IMMP2L: variants seen among roughly 807,000 people sequenced by gnomAD.
The protein encoded by IMMP2L is inner mitochondrial membrane peptidase subunit 2, also known as mitochondrial inner membrane protease subunit 2.
A neutral mutation model predicts 19.3 loss-of-function variants in IMMP2L; 18 were observed. The ratio of observed to expected loss-of-function variants is 0.93; its 90% CI spans 0.64 to 1.38. The LOEUF (loss-of-function observed/expected upper bound fraction) is 1.38. Ranked by LOEUF, IMMP2L falls within the 40% of genes most tolerant of loss-of-function variation. The pLI, the probability that IMMP2L is intolerant of heterozygous loss-of-function variation, is 0.00. For missense variants in IMMP2L, 233 were observed against 218.2 expected, an observed-to-expected ratio of 1.07 and a Z score of -0.43; for synonymous variants, 76 against 73.0, an observed-to-expected ratio of 1.04 and a Z score of -0.21.
rs373072983 is a variant in IMMP2L, at chr7:111,115,814, T to A, written c.240-152249A>T. 1.4e-4 allele frequency among the ~76,000 whole-genome samples: 22 copies of A among 152,056 alleles called. 2 individuals are homozygous for A. The East Asian group carries it at 1.9e-3, about 13-fold the overall frequency. On this transcript the variant is annotated intron_variant, in intron 3 of 5. Coordinates refer to ENST00000405709, the MANE Select transcript of IMMP2L (RefSeq NM_032549.4). ...TCCCGAGTAGCTGGGACTAGAGATG[T>A]GCACCACCAACTCTAGCACACCTGG...
intron 3 of IMMP2L, among the ~76,000 whole-genome samples, chr7:111,099,678 A>AT (rs1440584742): frequency 6.6e-6 from 1 of 151,646 alleles, no homozygotes; most frequent in Non-Finnish European, 1.5e-5. Flanking sequence ...ATCAACATAC[A>AT]TTTTCTATTC....
At chr7:111,308,812 G>T (rs1584551668) in intron 3 of IMMP2L, among the ~76,000 whole-genome samples, 2 of 151,974 alleles carry the variant, frequency 1.3e-5, no homozygotes, top group South Asian at 4.1e-4. Flanking sequence ...TTTGCAAACT[G>T]CCTTCAATTT....
intron 3 of IMMP2L, among the ~76,000 whole-genome samples, chr7:111,297,114 ACAGGAAAGT>A (rs2129864096): frequency 6.6e-6 from 1 of 152,166 alleles, no homozygotes; most frequent in East Asian, 1.9e-4. Flanking sequence ...CTTTGGGATA[ACAGGAAAGT>A]TCTGCATCTT....
chr7:111,043,574 T>C (rs1281941653), intron 3 of IMMP2L, among the ~76,000 whole-genome samples: 1 of 152,218 alleles, frequency 6.6e-6, no homozygotes, highest in Non-Finnish European at 1.5e-5. Flanking sequence ...CTTCTAAATA[T>C]TATGGGTTAA....
intron 5 of IMMP2L, among the ~76,000 whole-genome samples, chr7:110,675,195 T>C (rs1188650933): frequency 2.0e-5 from 3 of 152,204 alleles, no homozygotes; most frequent in Admixed American, 6.5e-5. Context: ...GTGGTGAGTA[T>C]AAGGCTAGTG....
intron 3 of IMMP2L, among the ~76,000 whole-genome samples, chr7:111,016,293 T>C (rs1825518122): frequency 6.7e-6 from 1 of 148,558 alleles, no homozygotes; most frequent in Non-Finnish European, 1.5e-5. Context: ...TTGAATATTG[T>C]CTTCCTTCCC....
At chr7:110,935,299 T>G (rs1374902833) in intron 4 of IMMP2L, among the ~76,000 whole-genome samples, 1 of 152,190 alleles carries the variant, frequency 6.6e-6, no homozygotes, top group Non-Finnish European at 1.5e-5. Context: ...GAAAATTCTT[T>G]TCTTTAAGAA....
chr7:111,223,348 T>C (rs928548454), intron 3 of IMMP2L, among the ~76,000 whole-genome samples: 10 of 152,022 alleles, frequency 6.6e-5, no homozygotes, highest in African/African-American at 1.9e-4. Context: ...ATATATGTTA[T>C]TATTCTCTAT....
At chr7:111,077,885 T>C (rs1307586502) in intron 3 of IMMP2L, among the ~76,000 whole-genome samples, 1 of 152,214 alleles carries the variant, frequency 6.6e-6, no homozygotes, top group African/African-American at 2.4e-5. Flanking sequence ...AGGACCTTTG[T>C]GCACACTGTT....
chr7:111,052,716 T>A (rs1278834414), intron 3 of IMMP2L, among the ~76,000 whole-genome samples: 3 of 152,184 alleles, frequency 2.0e-5, no homozygotes, highest in African/African-American at 7.2e-5. Context: ...AGAATAAACA[T>A]CTTCAAATGT....
chr7:110,942,446 T>C (rs1563098839), intron 4 of IMMP2L, among the ~76,000 whole-genome samples: 1 of 151,938 alleles, frequency 6.6e-6, no homozygotes, highest in Non-Finnish European at 1.5e-5. Context: ...CAGTCCCCTT[T>C]CCTAAAAACC....
chr7:111,404,756 C>T (rs1218599495), intron 3 of IMMP2L, among the ~76,000 whole-genome samples: 1 of 151,914 alleles, frequency 6.6e-6, no homozygotes, highest in African/African-American at 2.4e-5. Flanking sequence ...CCCACAATTC[C>T]CTAAAGGAAT....
chr7:111,164,195 G>A (rs967781788), intron 3 of IMMP2L, among the ~76,000 whole-genome samples: 2 of 151,860 alleles, frequency 1.3e-5, no homozygotes, highest in Non-Finnish European at 2.9e-5. Flanking sequence ...AAGGCAGGCA[G>A]GCAGGCAGGC....
intron 3 of IMMP2L, among the ~76,000 whole-genome samples, chr7:111,402,854 C>T (rs1833553394): frequency 0.013 from 1 of 76 alleles, no homozygotes; most frequent in South Asian, 0.5. Flanking sequence ...AGACACATTG[C>T]CTTCATAGTC....
At chr7:111,056,039 G>T (rs191449070) in intron 3 of IMMP2L, among the ~76,000 whole-genome samples, 1 of 152,006 alleles carries the variant, frequency 6.6e-6, no homozygotes, top group Non-Finnish European at 1.5e-5. Context: ...ATATCAAAAA[G>T]CTATGTTACT....
chr7:110,796,370 C>T (rs929934168), intron 5 of IMMP2L, among the ~76,000 whole-genome samples: 1 of 152,036 alleles, frequency 6.6e-6, no homozygotes, highest in Non-Finnish European at 1.5e-5. Context: ...AGAAATAGAA[C>T]TCTATCTTCT....
chr7:111,175,209 A>AAG (rs1806908686), intron 3 of IMMP2L, among the ~76,000 whole-genome samples: 1 of 151,776 alleles, frequency 6.6e-6, no homozygotes, highest in South Asian at 2.1e-4. Context: ...GAATGTGGGC[A>AAG]AGCAGATGGC....
At chr7:111,449,950 C>A (rs1044004590) in intron 3 of IMMP2L, among the ~76,000 whole-genome samples, 33 of 141,484 alleles carry the variant, frequency 2.3e-4, no homozygotes, top group Non-Finnish European at 3.3e-4. Context: ...TGAGTGAACT[C>A]CCATTCACAA....
chr7:111,024,341 C>T (rs923163336), intron 3 of IMMP2L, among the ~76,000 whole-genome samples: 2 of 152,186 alleles, frequency 1.3e-5, no homozygotes, highest in African/African-American at 2.4e-5. Context: ...CAGCTGACTA[C>T]TTGAGGGGGC....
Sources: gnomAD v4.1 joint callset for allele counts (sites outside exome capture counted in the v4.1 genomes callset) on GRCh38, gnomAD v4.1.1 for gene constraint, MANE v1.5 for transcripts, NCBI Gene and HGNC (gene_info 2026-07-23, HGNC 2026-07-21) for gene names.